Variants in SH3BGRL2 observed in about 807,000 individuals in gnomAD.
The protein encoded by SH3BGRL2 is SH3 domain-binding glutamic acid-rich-like protein 2.
SH3BGRL2 carries 21 observed loss-of-function variants against 14.8 expected under a neutral mutation model. The observed-to-expected ratio is 1.42, with a 90% CI of 1.01 to 2.05. The LOEUF is 2.05. SH3BGRL2 is among the 30% of genes most tolerant of loss of function. The pLI is 0.00. For synonymous variants in SH3BGRL2, 50 were observed against 47.8 expected (o/e 1.05, Z -0.19); for missense variants, 147 against 130.8 (o/e 1.12, Z -0.61).
chr6:79,674,671 A>AG (rs762052728), intron 2 of SH3BGRL2, among the ~76,000 whole-genome samples: 10 of 152,196 alleles, frequency 6.6e-5, no homozygotes, highest in Non-Finnish European at 1.5e-4. Flanking sequence ...TTCAAAGAAA[A>AG]CAATCCTTTC....
intron 1 of SH3BGRL2, among the ~76,000 whole-genome samples, chr6:79,657,111 A>C (rs1769435202): frequency 6.6e-6 from 1 of 152,220 alleles, no homozygotes; most frequent in Non-Finnish European, 1.5e-5. Context: ...TCTGAAGATG[A>C]GATAAACATG....
the SH3BGRL2 span, among the ~76,000 whole-genome samples, chr6:79,545,068 T>C: frequency 2.6e-5 from 4 of 152,206 alleles, no homozygotes; most frequent in South Asian, 2.1e-4. Context: ...GAAAGGTCAA[T>C]GTAAACAAAT....
the SH3BGRL2 span, among the ~76,000 whole-genome samples, chr6:79,595,231 A>G: frequency 6.6e-6 from 1 of 152,124 alleles, no homozygotes; most frequent in Admixed American, 6.6e-5. Context: ...TGGATGTTGC[A>G]GTGAGCCAAG....
chr6:79,647,543 A>G (rs907964252), intron 1 of SH3BGRL2, among the ~76,000 whole-genome samples: 1 of 152,076 alleles, frequency 6.6e-6, no homozygotes, highest in Non-Finnish European at 1.5e-5. Context: ...CTTCCCCCCA[A>G]ACAACTCTTA....
chr6:79,638,880 C>T (rs1398566245), intron 1 of SH3BGRL2, among the ~76,000 whole-genome samples: 1 of 151,998 alleles, frequency 6.6e-6, no homozygotes, highest in Non-Finnish European at 1.5e-5. Flanking sequence ...TTCTTCCATT[C>T]TGTAGGTTGT....
chr6:79,663,759 G>A, intron 1 of SH3BGRL2, among the ~76,000 whole-genome samples: 1 of 152,228 alleles, frequency 6.6e-6, no homozygotes, highest in Non-Finnish European at 1.5e-5. Flanking sequence ...GTTCAGCTAT[G>A]CCCTGCTCAC....
intron 1 of SH3BGRL2, among the ~76,000 whole-genome samples, chr6:79,638,206 C>T (rs1458126520): frequency 6.6e-6 from 1 of 152,174 alleles, no homozygotes; most frequent in African/African-American, 2.4e-5. Flanking sequence ...GAGTTGAGAA[C>T]ATGTATTTAT....
the SH3BGRL2 span, among the ~76,000 whole-genome samples, chr6:79,599,803 A>G: frequency 6.6e-6 from 1 of 152,200 alleles, no homozygotes; most frequent in African/African-American, 2.4e-5. Context: ...GGAAATGGCT[A>G]GAAAGAAACA....
chr6:79,668,293 A>G (rs887898591), intron 1 of SH3BGRL2, among the ~76,000 whole-genome samples: 4 of 152,162 alleles, frequency 2.6e-5, no homozygotes. Context: ...CAAGGTAATT[A>G]TTTAGCCTGT....
chr6:79,629,974 T>G (rs1768792578), upstream of SH3BGRL2, among the ~76,000 whole-genome samples: 1 of 152,228 alleles, frequency 6.6e-6, no homozygotes, highest in African/African-American at 2.4e-5. Context: ...AAATACGGTA[T>G]CTACTTTTAA....
intron 3 of SH3BGRL2, among the ~76,000 whole-genome samples, chr6:79,697,802 G>T (rs1770363333): frequency 6.6e-6 from 1 of 152,128 alleles, no homozygotes; most frequent in South Asian, 2.1e-4. Context: ...TATCTTCAAA[G>T]AACTGGAAAA....
the SH3BGRL2 span, among the ~76,000 whole-genome samples, chr6:79,548,065 C>G: frequency 1.3e-5 from 2 of 152,024 alleles, no homozygotes. Flanking sequence ...GATGAGGTCT[C>G]ACTATGTTGC....
At chr6:79,656,592 A>G (rs1312559553) in intron 1 of SH3BGRL2, among the ~76,000 whole-genome samples, 1 of 152,224 alleles carries the variant, frequency 6.6e-6, no homozygotes, top group Non-Finnish European at 1.5e-5. Flanking sequence ...CATGGATGAA[A>G]AATATTCAGA....
chr6:79,600,364 T>C, the SH3BGRL2 span, among the ~76,000 whole-genome samples: 1 of 152,184 alleles, frequency 6.6e-6, no homozygotes, highest in Non-Finnish European at 1.5e-5. Flanking sequence ...TGAAAAGCAA[T>C]GCACCCTATT....
At chr6:79,674,342 C>CATAT (rs1326041134) in intron 2 of SH3BGRL2, among the ~76,000 whole-genome samples, 3 of 151,974 alleles carry the variant, frequency 2.0e-5, no homozygotes, top group Admixed American at 6.6e-5. Context: ...CAGTGCACCT[C>CATAT]ATATATGAAC....
At chr6:79,684,670 A>G (rs530976795) in intron 2 of SH3BGRL2, among the ~76,000 whole-genome samples, 18 of 152,152 alleles carry the variant, frequency 1.2e-4, no homozygotes, top group Non-Finnish European at 2.5e-4. Context: ...TTTATTAATA[A>G]AGTTCGAAGC....
At chr6:79,576,436 A>G in the SH3BGRL2 span, among the ~76,000 whole-genome samples, 3 of 152,186 alleles carry the variant, frequency 2.0e-5, no homozygotes, top group East Asian at 5.8e-4. Flanking sequence ...TAAATCAGCC[A>G]TACAAGCATT....
At chr6:79,596,468 A>G in the SH3BGRL2 span, among the ~76,000 whole-genome samples, 1 of 152,088 alleles carries the variant, frequency 6.6e-6, no homozygotes, top group African/African-American at 2.4e-5. Context: ...TTTGTTAAAA[A>G]TTTTTTTGTA....
chr6:79,681,918 C>A (rs1157955627), intron 2 of SH3BGRL2, among the ~76,000 whole-genome samples: 2 of 151,788 alleles, frequency 1.3e-5, no homozygotes, highest in East Asian at 3.9e-4. Flanking sequence ...CCCCGCTGCA[C>A]TCCAGCCTGG....
Sources: gnomAD v4.1 joint callset for allele counts (sites outside exome capture counted in the v4.1 genomes callset) on GRCh38, gnomAD v4.1.1 for gene constraint, MANE v1.5 for transcripts, NCBI Gene and HGNC (gene_info 2026-07-23, HGNC 2026-07-21) for gene names.